RNF220: variants seen among roughly 807,000 people sequenced by gnomAD.
RNF220 encodes E3 ubiquitin-protein ligase RNF220.
Under a neutral mutation model 67.1 loss-of-function variants are expected in RNF220, and 7 were observed. That is an observed-to-expected ratio of 0.10 (90% CI 0.06 to 0.20). The LOEUF is 0.20. Ranked by LOEUF, RNF220 falls within the 10% of genes least tolerant of loss-of-function variation. RNF220 has a pLI of 1.00. For synonymous variants in RNF220, 270 were observed against 283.2 expected, an observed-to-expected ratio of 0.95 and a Z score of 0.47; for missense variants, 565 against 740.3, an observed-to-expected ratio of 0.76 and a Z score of 2.75.
chr1:44,530,989 A>G (rs12145751), intron 2 of RNF220, among the ~76,000 whole-genome samples: 3,275 of 152,256 alleles, frequency 0.022, 55 homozygotes, highest in Non-Finnish European at 0.034. Flanking sequence ...AAAATAAAAT[A>G]ATGAAAGAAA....
chr1:44,475,538 C>T (rs545658333), intron 2 of RNF220, among the ~76,000 whole-genome samples: 143 of 141,984 alleles, frequency 1.0e-3, no homozygotes, highest in Non-Finnish European at 1.8e-3. Flanking sequence ...CCACTGCACT[C>T]CAGCCTGGCA....
intron 2 of RNF220, among the ~76,000 whole-genome samples, chr1:44,503,132 G>A (rs1305294570): frequency 6.6e-6 from 1 of 151,962 alleles, no homozygotes; most frequent in African/African-American, 2.4e-5. Context: ...TCAGAAGTTC[G>A]AGACCAGTCT....
intron 1 of RNF220, among the ~76,000 whole-genome samples, chr1:44,406,754 G>C (rs968840194): frequency 2.0e-5 from 3 of 150,860 alleles, no homozygotes; most frequent in Admixed American, 2.0e-4. Context: ...TGCTTTGTAA[G>C]AGAAAGCCTT....
chr1:44,428,873 G>A (rs1650062074), intron 2 of RNF220, among the ~76,000 whole-genome samples: 1 of 151,886 alleles, frequency 6.6e-6, no homozygotes, highest in South Asian at 2.1e-4. Flanking sequence ...TTGGGGTCGG[G>A]GAAAGTTGCA....
At chr1:44,614,362 C>T (rs1025104956) in intron 3 of RNF220, 65 bp downstream of exon 3, 18 of 1,575,008 alleles carry the variant, frequency 1.1e-5, no homozygotes, top group Non-Finnish European at 1.5e-5. Flanking sequence ...CCACCGGATC[C>T]CAGAAGCAGC....
Position 44,609,463 on chromosome 1 carries a change from G to A in RNF220, c.626-4702G>A, listed in dbSNP as rs551496874. ...ACGGTGGGGAGCTGCAAGGCCAGAC[G>A]TGGGTGAGTGGTCAAGGAGGGGAGG... is the stretch of plus-strand genomic sequence containing the variant. On this transcript the variant is annotated intron_variant, in intron 2 of 14. Transcript: ENST00000361799. 3.7e-4 allele frequency among the ~76,000 whole-genome samples: 57 copies of A among 152,346 alleles called. 1 individual carries two copies. In the Middle Eastern group the frequency reaches 0.01, roughly 27 times the overall value.
chr1:44,421,915 CAT>C (rs1223362387), intron 2 of RNF220, among the ~76,000 whole-genome samples: 2 of 152,088 alleles, frequency 1.3e-5, no homozygotes, highest in African/African-American at 2.4e-5. Flanking sequence ...CATGCCCACA[CAT>C]GTTTGTAGCA....
intron 8 of RNF220, chr1:44,644,079 TC>T (rs1196862070): frequency 2.6e-5 from 4 of 153,998 alleles, no homozygotes; most frequent in African/African-American, 7.2e-5. Flanking sequence ...CCCTTCTTAA[TC>T]CCTTTATAAC....
At chr1:44,605,424 T>A (rs1478086990) in intron 2 of RNF220, among the ~76,000 whole-genome samples, 1 of 152,160 alleles carries the variant, frequency 6.6e-6, no homozygotes, top group Non-Finnish European at 1.5e-5. Flanking sequence ...TCTGCCTCTT[T>A]GGGGATTTAG....
chr1:44,649,354 G>C lies in RNF220; in HGVS notation c.1446-307G>C. On this transcript the variant is annotated intron_variant, in intron 12 of 14. Coordinates refer to ENST00000361799, the MANE Select transcript of RNF220 (RefSeq NM_018150.4). The surrounding 1 kb of genome is among the most constrained non-coding windows in gnomAD (Gnocchi z 5.9). Reference sequence around the variant, plus strand: ...GAGCCTGGACTCATGGTGGTGAGGAGAGATGCCGGAGATACTAGGAGAGAT... The same window carrying C: ...GAGCCTGGACTCATGGTGGTGAGGACAGATGCCGGAGATACTAGGAGAGAT... 1 of 426,492 alleles carries C rather than the reference G, an allele frequency of 2.3e-6. No homozygotes were observed. Among genetic ancestry groups the C allele is most frequent in the Non-Finnish European group, 4.3e-6 (1 of 231,792 alleles). 26.4% of individuals were successfully genotyped at this position (426,492 alleles called of 1,614,324 possible).
chr1:44,542,724 C>T (rs1033942674), intron 2 of RNF220, among the ~76,000 whole-genome samples: 5 of 152,206 alleles, frequency 3.3e-5, no homozygotes, highest in Admixed American at 2.0e-4. Context: ...GCCCCACCAC[C>T]TCTCATTTAA....
At chr1:44,475,901 A>G (rs868326588) in intron 2 of RNF220, among the ~76,000 whole-genome samples, 9 of 151,112 alleles carry the variant, frequency 6.0e-5, no homozygotes, top group South Asian at 2.1e-4. Flanking sequence ...AGTCCCAGCT[A>G]CTCAGGAGGC....
intron 2 of RNF220, among the ~76,000 whole-genome samples, chr1:44,440,131 A>G (rs1651401127): frequency 6.6e-6 from 1 of 152,252 alleles, no homozygotes; most frequent in African/African-American, 2.4e-5. Flanking sequence ...CCATGTGGGT[A>G]TATTTACATC....
chr1:44,559,372 A>C (rs1439843218), intron 2 of RNF220, among the ~76,000 whole-genome samples: 1 of 152,264 alleles, frequency 6.6e-6, no homozygotes, highest in East Asian at 1.9e-4. Context: ...TCCCTGTGCT[A>C]AGCTTTTTCC....
Position 44,583,078 on chromosome 1 carries a change from C to A in RNF220, c.626-31087C>A, listed in dbSNP as rs190821946. Among the ~76,000 whole-genome samples, 500 of 152,200 alleles carry A rather than the reference C, an allele frequency of 3.3e-3. 3 individuals carry two copies. Among genetic ancestry groups the A allele is most frequent in the African/African-American group, 0.012 (480 of 41,518 alleles). On this transcript the variant is annotated intron_variant, in intron 2 of 14. Transcript: ENST00000361799. ...TGTCCGTGGAGTCCGGTGAGGATTA[C>A]TGAGACTTAACCATCAGAACTGGCA...
chr1:44,647,629 C>T (rs1459106106), intron 12 of RNF220, among the ~76,000 whole-genome samples: 1 of 152,166 alleles, frequency 6.6e-6, no homozygotes, highest in Non-Finnish European at 1.5e-5. Flanking sequence ...TAAGGAGTCA[C>T]GCTCTGTGTT....
At chr1:44,487,398 G>A (rs1209249274) in intron 2 of RNF220, among the ~76,000 whole-genome samples, 5 of 151,112 alleles carry the variant, frequency 3.3e-5, no homozygotes, top group Admixed American at 3.3e-4. Flanking sequence ...ATAAAATGGT[G>A]GTTGCTGCAA....
intron 2 of RNF220, among the ~76,000 whole-genome samples, chr1:44,568,613 T>C (rs1664202394): frequency 6.6e-6 from 1 of 152,198 alleles, no homozygotes; most frequent in African/African-American, 2.4e-5. Context: ...GGAAGGCGTT[T>C]CTCTGTAGTC....
At chr1:44,552,631 C>T (rs748882589) in intron 2 of RNF220, among the ~76,000 whole-genome samples, 20 of 115,002 alleles carry the variant, frequency 1.7e-4, no homozygotes, top group Non-Finnish European at 2.8e-4. Flanking sequence ...AGTGCAGTTG[C>T]GCAATCTCGG....
Sources: allele counts gnomAD v4.1 joint callset (sites outside exome capture counted in the v4.1 genomes callset), GRCh38; gene constraint gnomAD v4.1.1; non-coding constraint Gnocchi (gnomAD v3.1); transcripts MANE v1.5; gene names NCBI Gene and HGNC (gene_info 2026-07-23, HGNC 2026-07-21).